HEATR4: variants seen among roughly 807,000 people sequenced by gnomAD.
HEATR4 encodes the protein HEAT repeat-containing protein 4.
A neutral mutation model predicts 108.8 loss-of-function variants in HEATR4; 95 were observed. That is an observed-to-expected ratio of 0.87 (90% CI 0.74 to 1.04). HEATR4 has a LOEUF of 1.04. Among genes scored for constraint, HEATR4 ranks in the 50% least tolerant of loss-of-function variants. HEATR4 has a pLI of 0.00. For missense variants in HEATR4, 1,152 were observed against 1,253.8 expected (o/e 0.92, Z 1.23); for synonymous variants, 443 against 459.4 (o/e 0.96, Z 0.46).
At chr14:73,479,738 C>T (rs1374134251) in intron 17 of HEATR4, among the ~76,000 whole-genome samples, 1 of 151,974 alleles carries the variant, frequency 6.6e-6, no homozygotes, top group Non-Finnish European at 1.5e-5. Flanking sequence ...CCACGCCCAG[C>T]TAATTTTTTT....
intron 5 of HEATR4, chr14:73,517,212 A>G (rs1231530996): frequency 6.6e-6 from 1 of 152,264 alleles, no homozygotes; most frequent in Non-Finnish European, 1.5e-5. Context: ...GGTGCGTGCC[A>G]CCATGCCCAA....
At chr14:73,479,272 C>T (rs1236120066) in intron 17 of HEATR4, among the ~76,000 whole-genome samples, 3 of 151,926 alleles carry the variant, frequency 2.0e-5, no homozygotes, top group Admixed American at 6.6e-5. Flanking sequence ...CCCACCACCA[C>T]GCCCAGCTAA....
At chr14:73,517,407 T>C (rs1271517790) in intron 5 of HEATR4, 2 of 151,746 alleles carry the variant, frequency 1.3e-5, no homozygotes, top group Non-Finnish European at 2.9e-5. Context: ...GCTGGGAGAG[T>C]GGCTCATGCC....
chr14:73,501,903 G>A (rs982068273), intron 11 of HEATR4, among the ~76,000 whole-genome samples: 2 of 151,768 alleles, frequency 1.3e-5, no homozygotes, highest in Non-Finnish European at 2.9e-5. Context: ...ACAGGCGCCC[G>A]CCACCACGCC....
chr14:73,483,948 A>G (rs1163033974), intron 17 of HEATR4, among the ~76,000 whole-genome samples: 1 of 151,892 alleles, frequency 6.6e-6, no homozygotes, highest in Non-Finnish European at 1.5e-5. Flanking sequence ...TCCGCCTCTC[A>G]GGTTCAAGCG....
chr14:73,492,675 A>G lies in HEATR4; in HGVS notation c.2844+391T>C, dbSNP rs773572459. 3 of 1,613,984 alleles carry G rather than the reference A, an allele frequency of 1.9e-6. No individual in the cohort carries two copies. Among genetic ancestry groups the G allele is most frequent in the Non-Finnish European group, 2.5e-6 (3 of 1,179,870 alleles). ...GAAACAGAAGTCCATATGCTTCAGG[A>G]TGGGATAGCTCGGCTGGTGGGTGAG... is the stretch of plus-strand genomic sequence containing the variant. On this transcript the variant is annotated intron_variant, in intron 17 of 17. Transcript: ENST00000553558. This position sits in a 1 kb window ranked among gnomAD's most constrained non-coding sequence, Gnocchi z 4.9.
chr14:73,619,431 G>C, the HEATR4 span: 1 of 1,614,032 alleles, frequency 6.2e-7, no homozygotes, highest in Non-Finnish European at 8.5e-7. Context: ...AAATCACTAA[G>C]TCAGGATTTC....
chr14:73,550,488 A>G (rs1302989200), intron 1 of HEATR4, among the ~76,000 whole-genome samples: 2 of 114,012 alleles, frequency 1.8e-5, no homozygotes, highest in Non-Finnish European at 3.8e-5. Context: ...ATGAACAAGC[A>G]TGTACAGCTA....
At position 73,495,273 on chromosome 14, in the gene HEATR4, G is replaced by T; in HGVS notation, c.2740C>A (p.Gln914Lys). ...KRVYLKPKGE[Q>K]GPLTLQTLLQ... ...AAAGTCTGGAGTGTTAGTGGTCCTTGTTCTCCTTTGGGTTTCAAGTAAACA... is the reference window on the plus strand; with the variant it reads ...AAAGTCTGGAGTGTTAGTGGTCCTTTTTCTCCTTTGGGTTTCAAGTAAACA... The change falls in exon 16 of 18, where the codon CAA becomes AAA. Residue 914 changes from glutamine (Q) to lysine (K), a missense_variant. Transcript: ENST00000553558. 6.2e-7 allele frequency: 1 copy of T among 1,614,006 alleles called. No individual in the cohort carries two copies.
chr14:73,491,875 G>A, intron 17 of HEATR4: 1 of 1,611,358 alleles, frequency 6.2e-7, no homozygotes, highest in South Asian at 1.1e-5. Flanking sequence ...CCGCCGCCGC[G>A]TGGTCCCTGT....
chr14:73,601,524 A>C, the HEATR4 span, among the ~76,000 whole-genome samples: 3,605 of 152,350 alleles, frequency 0.024, 51 homozygotes, highest in African/African-American at 0.04. Flanking sequence ...AGATCGCGCC[A>C]CTGCATTCCA....
chr14:73,630,201 C>G, the HEATR4 span, among the ~76,000 whole-genome samples: 1 of 151,978 alleles, frequency 6.6e-6, no homozygotes, highest in Admixed American at 6.6e-5. Context: ...CAGGACACAG[C>G]CCTCCTGCAC....
In HEATR4 at chr14:73,545,872, T is replaced by G. The variant is rs1450975401; in HGVS notation, c.-152+12879A>C. Reference sequence around the variant, plus strand: ...AAAAGCACCACAGATGAGCCGGTGGTTGTAGAAGTACATGCCTGTAATCCC... The same window carrying G: ...AAAAGCACCACAGATGAGCCGGTGGGTGTAGAAGTACATGCCTGTAATCCC... On this transcript the variant is annotated intron_variant, in intron 1 of 17. Transcript: ENST00000553558. Among the ~76,000 whole-genome samples, 4 of 113,678 alleles carry G rather than the reference T, an allele frequency of 3.5e-5. 1 individual carries two copies. Among genetic ancestry groups the G allele is most frequent in the African/African-American group, 1.1e-4 (4 of 35,078 alleles). 74.6% of individuals were successfully genotyped at this position (113,678 alleles called of 152,430 possible).
upstream of HEATR4, among the ~76,000 whole-genome samples, chr14:73,563,589 C>T (rs1406727479): frequency 2.0e-5 from 3 of 151,506 alleles, no homozygotes; most frequent in Non-Finnish European, 4.4e-5. Context: ...AGCGAGACTC[C>T]AAAAGTTCTG....
At chr14:73,615,393 AAAAAAAAAAAAAAACAAAAAAC>A in the HEATR4 span, among the ~76,000 whole-genome samples, 4 of 107,056 alleles carry the variant, frequency 3.7e-5, no homozygotes, top group South Asian at 1.3e-3. Context: ...TCTGATAAAA[AAAAAAAAAAAAAAACAAAAAAC>A]AAAAAAAACC....
At position 73,538,530 on chromosome 14, in the gene HEATR4, A is replaced by T. The variant is rs1888956558; in HGVS notation, c.-151-8286T>A. 3.7e-5 allele frequency among the ~76,000 whole-genome samples: 4 copies of T among 107,124 alleles called. 2 individuals carry two copies. Among genetic ancestry groups the T allele is most frequent in the Non-Finnish European group, 8.0e-5 (4 of 50,126 alleles). The allele number at this position is 107,124 out of a possible 152,430, so 70.3% of individuals were successfully genotyped here. A position where few individuals can be genotyped will look rare whatever the true frequency, so the allele number is the denominator to read the frequency against. On this transcript the variant is annotated intron_variant, in intron 1 of 17. Transcript: ENST00000553558. Reference sequence around the variant, plus strand: ...CGGGACGCTGAGGCAGAAGAATGGCATGAACCCAGGAGGCGGAGTTTGCAG... The same window carrying T: ...CGGGACGCTGAGGCAGAAGAATGGCTTGAACCCAGGAGGCGGAGTTTGCAG...
chr14:73,504,034 C>G (rs1288215209), intron 10 of HEATR4, among the ~76,000 whole-genome samples: 1 of 151,366 alleles, frequency 6.6e-6, no homozygotes, highest in Admixed American at 6.6e-5. Flanking sequence ...TGTTAAGATG[C>G]AGATTCTGAT....
intron 10 of HEATR4, among the ~76,000 whole-genome samples, 192 bp from the exon 11 acceptor site, chr14:73,503,205 A>G (rs951229532): frequency 1.2e-4 from 18 of 152,180 alleles, no homozygotes; most frequent in Admixed American, 1.3e-4. Context: ...AGATGATAGA[A>G]TGGAGGCTTT....
At chr14:73,590,442 A>G in the HEATR4 span, among the ~76,000 whole-genome samples, 1 of 152,266 alleles carries the variant, frequency 6.6e-6, no homozygotes, top group Non-Finnish European at 1.5e-5. Context: ...CGGGGTTCGC[A>G]GGTGGAGCTG....
Sources: allele counts gnomAD v4.1 joint callset (sites outside exome capture counted in the v4.1 genomes callset), GRCh38; gene constraint gnomAD v4.1.1; non-coding constraint Gnocchi (gnomAD v3.1); transcripts MANE v1.5; gene names NCBI Gene and HGNC (gene_info 2026-07-23, HGNC 2026-07-21).